OR52E8: variants seen among roughly 807,000 people sequenced by gnomAD.
The protein encoded by OR52E8 is olfactory receptor 52E8.
For synonymous variants in OR52E8, 167 were observed against 141.1 expected, an observed-to-expected ratio of 1.18 and a Z score of -1.30; for missense variants, 451 against 383.9, an observed-to-expected ratio of 1.17 and a Z score of -1.46.
Position 5,857,061 on chromosome 11 carries a change from C to T in OR52E8, c.630G>A (p.Leu210=). ...AGGAGAGAATAATAAGGATAACATC[C>T]AGTAACAAGAGAGATATGTTGCCAA... ...FGLGNISLLL[L]DVILIILSYV... Residue 210 remains leucine (L), a synonymous_variant, in exon 1 of 1, where the codon CTG becomes CTA. Transcript: ENST00000537935. 6.2e-7 allele frequency: 1 copy of T among 1,608,532 alleles called. No individual in the cohort carries two copies. The highest frequency in any genetic ancestry group is 8.5e-7 in the Non-Finnish European group (1 of 1,179,768).
Position 5,857,088 on chromosome 11 carries a change from G to T in OR52E8, c.603C>A (p.Gly201=). The T allele has an allele frequency of 6.2e-7, 1 of 1,609,032 alleles. No homozygotes were observed. Among genetic ancestry groups the T allele is most frequent in the Non-Finnish European group, 8.5e-7 (1 of 1,179,826 alleles). Residue 201 remains glycine (G), a synonymous_variant, in exon 1 of 1, where the codon GGC becomes GGA. Coordinates refer to ENST00000537935, the MANE Select transcript of OR52E8 (RefSeq NM_001005168.3). ...GTAACAAGAGAGATATGTTGCCAAG[G>T]CCAAACCTAATGTTGACTTTGATGC... ...CASIKVNIRF[G]LGNISLLLLD...
Position 5,857,009 on chromosome 11 carries a change from A to G in OR52E8, c.682T>C (p.Cys228Arg). The G allele has an allele frequency of 6.2e-7, 1 of 1,607,592 alleles. No individual in the cohort carries two copies. The highest frequency in any genetic ancestry group is 8.5e-7 in the Non-Finnish European group (1 of 1,179,510). ...AGTCGAGCTTCCCAGGAGGGCAGGC[A>G]GAAGACAGCATACAGGATCCTGACA... is the stretch of plus-strand genomic sequence containing the variant. ...SYVRILYAVF[C>R]LPSWEARLKA... Residue 228 changes from cysteine to arginine, a missense_variant, in exon 1 of 1, where the codon TGC (cysteine) becomes CGC (arginine). Cys to Arg is a radical substitution (Grantham distance 180, BLOSUM62 -3). Transcript: ENST00000537935.
chr11:5,857,681 A>T lies in OR52E8; in HGVS notation c.10T>A (p.Ser4Thr), dbSNP rs771259984. ...GAAGGATGGAACTGGGTGTGATTAG[A>T]CGTAGACATTCTTCCTGCCATATAA... Reference protein sequence around the residue: MSTSNHTQFHPSSF... With the variant: MSTTNHTQFHPSSF... Residue 4 changes from serine (S) to threonine (T), a missense_variant, in exon 1 of 1, where the codon TCT (serine) becomes ACT (threonine). Ser to Thr is a moderately conservative substitution (Grantham distance 58, BLOSUM62 1). Coordinates refer to ENST00000537935, the MANE Select transcript of OR52E8 (RefSeq NM_001005168.3). 3.7e-6 allele frequency: 6 copies of T among 1,606,440 alleles called. No individual in the cohort carries two copies. In the South Asian group the frequency reaches 5.5e-5, roughly 15 times the overall value.
chr11:5,857,598 G>C lies in OR52E8; in HGVS notation c.93C>G (p.Val31=). The stretch of plus-strand genomic sequence containing the variant: ...CAACAAGATACACAAAGAAAAAAGG[G>C]ACTCCAATCCAAATGTGCACATCTT... ...GLEDVHIWIG[V]PFFFVYLVAL... The change falls in exon 1 of 1, where the codon GTC becomes GTG. Residue 31 remains valine (V), a synonymous_variant. Coordinates refer to ENST00000537935, the MANE Select transcript of OR52E8 (RefSeq NM_001005168.3). The C allele has an allele frequency of 6.2e-7, 1 of 1,609,268 alleles. No individual in the cohort carries two copies.
Position 5,856,931 on chromosome 11 carries a change from TA to T in OR52E8, c.759del (p.Phe253LeufsTer9). On this transcript the variant is annotated frameshift_variant, in exon 1 of 1. Coordinates refer to ENST00000537935, the MANE Select transcript of OR52E8 (RefSeq NM_001005168.3). LOFTEE classifies it low-confidence loss of function (END_TRUNC). ...GSHIGVILAF[F>X]TPAFFSFLTH... ...GTCAAGAATGAAAAAAATGCTGGTG[TA>T]AAAAAGGCTAAGATAACACCAATAT... is the stretch of plus-strand genomic sequence containing the variant. 1 of 1,605,040 alleles carries T rather than the reference TA, an allele frequency of 6.2e-7. No homozygotes were observed. The highest frequency in any genetic ancestry group is 8.5e-7 in the Non-Finnish European group (1 of 1,178,768).
chr11:5,857,035 T>C lies in OR52E8; in HGVS notation c.656A>G (p.Tyr219Cys), dbSNP rs1426797219. 9 of 1,606,298 alleles carry C rather than the reference T, an allele frequency of 5.6e-6. No individual in the cohort carries two copies. The highest frequency in any genetic ancestry group is 3.4e-5 in the Admixed American group (2 of 59,458). ...GAAGACAGCATACAGGATCCTGACA[T>C]AGGAGAGAATAATAAGGATAACATC... The part of the protein sequence containing the change: ...LLDVILIILS[Y>C]VRILYAVFCL... Residue 219 changes from tyrosine to cysteine, a missense_variant, in exon 1 of 1, where the codon TAT becomes TGT. Tyr to Cys is a radical substitution (Grantham distance 194). Transcript: ENST00000537935.
chr11:5,856,923 T>C lies in OR52E8; in HGVS notation c.768A>G (p.Ala256=). Residue 256 remains alanine, a synonymous_variant, in exon 1 of 1, where the codon GCA becomes GCG. Transcript: ENST00000537935. ...AACGATGTGTCAAGAATGAAAAAAA[T>C]GCTGGTGTAAAAAAGGCTAAGATAA... ...IGVILAFFTP[A]FFSFLTHRFG... 3 of 1,604,512 alleles carry C rather than the reference T, an allele frequency of 1.9e-6. No individual in the cohort carries two copies. Among genetic ancestry groups the C allele is most frequent in the Non-Finnish European group, 2.5e-6 (3 of 1,178,856 alleles).
rs1846741559 is a variant in OR52E8 at position 5,856,806 on chromosome 11, G to C, written c.885C>G (p.Val295=). The C allele has an allele frequency of 1.9e-6, 3 of 1,602,278 alleles. No homozygotes were observed. The highest frequency in any genetic ancestry group is 2.5e-6 in the Non-Finnish European group (3 of 1,177,434). The change falls in exon 1 of 1, where the codon GTC becomes GTG. Residue 295 remains valine, a synonymous_variant. Coordinates refer to ENST00000537935, the MANE Select transcript of OR52E8 (RefSeq NM_001005168.3). ...PPALNPVIYG[V]RTKQIRERVL... is the part of the protein sequence containing the mutation. ...CTCTCTCTCGAATCTGCTTTGTCCT[G>C]ACTCCATAGATTACAGGATTGAGGG...
Position 5,857,360 on chromosome 11 carries a change from C to T in OR52E8, c.331G>A (p.Ala111Thr). ...GCCACCAACACAATGCTCTCCATAGCAGTGAAGAAATGGATGAAGAACATG... is the reference window on the plus strand; with the variant it reads ...GCCACCAACACAATGCTCTCCATAGTAGTGAAGAAATGGATGAAGAACATG... ...SHMFFIHFFTAMESIVLVAMA... is the reference protein window; with the variant it reads ...SHMFFIHFFTTMESIVLVAMA... Residue 111 changes from alanine (A) to threonine (T), a missense_variant, in exon 1 of 1, where the codon GCT becomes ACT. Ala to Thr is a moderately conservative substitution (Grantham distance 58). Coordinates refer to ENST00000537935, the MANE Select transcript of OR52E8 (RefSeq NM_001005168.3). 6.2e-7 allele frequency: 1 copy of T among 1,610,208 alleles called. No homozygotes were observed. Among genetic ancestry groups the T allele is most frequent in the Non-Finnish European group, 8.5e-7 (1 of 1,179,908 alleles).
chr11:5,857,186 G>T lies in OR52E8; in HGVS notation c.505C>A (p.Pro169Thr). The change falls in exon 1 of 1, where the codon CCC becomes ACC. Residue 169 changes from proline (P) to threonine (T), a missense_variant. Coordinates refer to ENST00000537935, the MANE Select transcript of OR52E8 (RefSeq NM_001005168.3). ...VPLVFLLLRL[P>T]FCGHRIIPHT... Reference sequence around the variant, plus strand: ...GGGATGATACGATGCCCACAGAAGGGCAGCCTCAGAAGGAGAAACACCAGT... The same window carrying T: ...GGGATGATACGATGCCCACAGAAGGTCAGCCTCAGAAGGAGAAACACCAGT... 3.1e-6 allele frequency: 5 copies of T among 1,610,016 alleles called. No homozygotes were observed. Among genetic ancestry groups the T allele is most frequent in the Non-Finnish European group, 4.2e-6 (5 of 1,179,890 alleles).
chr11:5,857,484 A>C lies in OR52E8; in HGVS notation c.207T>G (p.Asp69Glu), dbSNP rs779968915. 3.1e-6 allele frequency: 5 copies of C among 1,609,970 alleles called. No individual in the cohort carries two copies. In the Admixed American group the frequency reaches 5.0e-5, roughly 16 times the overall value. ...EPMYYFLAML[D>E]SIDLGLSTAT... ...CTGTAGACAAGCCCAGGTCAATGGAATCCAACATGGCCAGGAAGTAGTACA... is the reference window on the plus strand; with the variant it reads ...CTGTAGACAAGCCCAGGTCAATGGACTCCAACATGGCCAGGAAGTAGTACA... Residue 69 changes from aspartate to glutamate, a missense_variant, in exon 1 of 1, where the codon GAT becomes GAG. Transcript: ENST00000537935.
rs139706671 is a variant in OR52E8, at chr11:5,857,346, A to T, written c.345T>A (p.Ile115=). 6.3e-6 allele frequency: 10 copies of T among 1,582,722 alleles called. No individual in the cohort carries two copies. Among genetic ancestry groups the T allele is most frequent in the Non-Finnish European group, 6.1e-6 (7 of 1,155,306 alleles). Residue 115 remains isoleucine (I), a synonymous_variant, in exon 1 of 1, where the codon ATT becomes ATA. Transcript: ENST00000537935. Reference sequence around the variant, plus strand: ...GGTCAAAGGCCATGGCCACCAACACAATGCTCTCCATAGCAGTGAAGAAAT... The same window carrying T: ...GGTCAAAGGCCATGGCCACCAACACTATGCTCTCCATAGCAGTGAAGAAAT... The part of the protein sequence containing the change: ...FIHFFTAMES[I]VLVAMAFDRY...
rs112180979 is a variant in OR52E8 at position 5,857,293 on chromosome 11, C to T, written c.398G>A (p.Arg133Gln). The T allele has an allele frequency of 1.5e-3, 2,422 of 1,610,002 alleles. 330 individuals are homozygous for T. In the African/African-American group the frequency reaches 0.029, roughly 20 times the overall value. The stretch of plus-strand genomic sequence containing the variant: ...TTTGCTGGTGAGGATCATGGTGTAC[C>T]GAAGAGGTTTGCAAATGGCAATGTA... ...DRYIAICKPL[R>Q]YTMILTSKII... The change falls in exon 1 of 1, where the codon CGG becomes CAG. Residue 133 changes from arginine to glutamine, a missense_variant. Transcript: ENST00000537935.
Position 5,857,256 on chromosome 11 carries a change from G to A in OR52E8, c.435C>T (p.Leu145=). 2 of 1,610,146 alleles carry A rather than the reference G, an allele frequency of 1.2e-6. No homozygotes were observed. Among genetic ancestry groups the A allele is most frequent in the Non-Finnish European group, 1.7e-6 (2 of 1,179,918 alleles). The change falls in exon 1 of 1, where the codon CTC becomes CTT. Residue 145 remains leucine, a synonymous_variant. Transcript: ENST00000537935. ...TMILTSKIIS[L]IAGIAVLRSL... is the part of the protein sequence containing the mutation. ...TCCTCAGGACAGCAATGCCTGCAAT[G>A]AGGCTGATGATTTTGCTGGTGAGGA...
rs370836879 is a variant in OR52E8 at position 5,857,230 on chromosome 11, C to A, written c.461G>T (p.Ser154Ile). Residue 154 changes from serine (S) to isoleucine (I), a missense_variant, in exon 1 of 1, where the codon AGC (serine) becomes ATC (isoleucine). Physicochemically the swap from Ser to Ile is moderately radical, Grantham distance 142. Transcript: ENST00000537935. ...SLIAGIAVLR[S>I]LYMVVPLVFL... ...CACCAGTGGAACAACCATGTACAGG[C>A]TCCTCAGGACAGCAATGCCTGCAAT... is the stretch of plus-strand genomic sequence containing the variant. 1 of 1,609,876 alleles carries A rather than the reference C, an allele frequency of 6.2e-7. No homozygotes were observed. The highest frequency in any genetic ancestry group is 1.4e-5 in the African/African-American group (1 of 71,166).
rs762031282 is a variant in OR52E8, at chr11:5,857,498, G to A, written c.193C>T (p.Leu65=). The change falls in exon 1 of 1, where the codon CTG becomes TTG. Residue 65 remains leucine (L), a synonymous_variant. Coordinates refer to ENST00000537935, the MANE Select transcript of OR52E8 (RefSeq NM_001005168.3). The part of the protein sequence containing the change: ...QSLHEPMYYF[L]AMLDSIDLGL... ...AGGTCAATGGAATCCAACATGGCCA[G>A]GAAGTAGTACATAGGCTCATGGAGA... The A allele has an allele frequency of 6.2e-7, 1 of 1,609,712 alleles. No individual in the cohort carries two copies. Among genetic ancestry groups the A allele is most frequent in the South Asian group, 1.1e-5 (1 of 90,982 alleles).
Position 5,856,862 on chromosome 11 carries a change from A to C in OR52E8, c.829T>G (p.Leu277Val). Reference protein sequence around the residue: ...HNIPQYIHIILANLYVVVPPA... With the variant: ...HNIPQYIHIIVANLYVVVPPA... The stretch of plus-strand genomic sequence containing the variant: ...GGGACAACCACATACAGGTTGGCTA[A>C]TATAATATGTATATACTGTGGGATA... Residue 277 changes from leucine to valine, a missense_variant, in exon 1 of 1, where the codon TTA becomes GTA. Transcript: ENST00000537935. 6.2e-7 allele frequency: 1 copy of C among 1,607,888 alleles called. No homozygotes were observed. The highest frequency in any genetic ancestry group is 1.1e-5 in the South Asian group (1 of 90,988).
At position 5,857,639 on chromosome 11, in the gene OR52E8, C is replaced by G; in HGVS notation, c.52G>C (p.Gly18Arg). The G allele has an allele frequency of 6.2e-7, 1 of 1,609,392 alleles. No individual in the cohort carries two copies. The highest frequency in any genetic ancestry group is 8.5e-7 in the Non-Finnish European group (1 of 1,179,712). The change falls in exon 1 of 1, where the codon GGT (glycine) becomes CGT (arginine). Residue 18 changes from glycine (G) to arginine (R), a missense_variant. Coordinates refer to ENST00000537935, the MANE Select transcript of OR52E8 (RefSeq NM_001005168.3). ...TGCACATCTTCTAGCCCTGGGATACCCAGCAGTAGGAATGAAGAAGGATGG... is the reference window on the plus strand; with the variant it reads ...TGCACATCTTCTAGCCCTGGGATACGCAGCAGTAGGAATGAAGAAGGATGG... ...QFHPSSFLLL[G>R]IPGLEDVHIW...
In OR52E8 at chr11:5,857,087, G is replaced by C. The variant is rs1846746569; in HGVS notation, c.604C>G (p.Leu202Val). 6.2e-7 allele frequency: 1 copy of C among 1,608,960 alleles called. No individual in the cohort carries two copies. Among genetic ancestry groups the C allele is most frequent in the East Asian group, 2.2e-5 (1 of 44,824 alleles). The change falls in exon 1 of 1, where the codon CTT (leucine) becomes GTT (valine). Residue 202 changes from leucine to valine, a missense_variant. Coordinates refer to ENST00000537935, the MANE Select transcript of OR52E8 (RefSeq NM_001005168.3). ...ASIKVNIRFG[L>V]GNISLLLLDV... ...AGTAACAAGAGAGATATGTTGCCAA[G>C]GCCAAACCTAATGTTGACTTTGATG...
Sources: allele counts gnomAD v4.1 joint callset, GRCh38; gene constraint gnomAD v4.1.1; transcripts MANE v1.5; gene names NCBI Gene and HGNC (gene_info 2026-07-23, HGNC 2026-07-21).